ZNF362: variants seen among roughly 807,000 people sequenced by gnomAD.
The protein encoded by ZNF362 is zinc finger protein 362, also known as rotund homolog.
In ZNF362, 11 loss-of-function variants were observed where a neutral mutation model predicts 42.9. The observed-to-expected ratio is 0.26, with a 90% CI of 0.16 to 0.42. The LOEUF (loss-of-function observed/expected upper bound fraction) is 0.42, where lower values mean the gene tolerates loss of function less well. Ranked by LOEUF, ZNF362 falls within the 20% of genes least tolerant of loss-of-function variation. ZNF362 has a pLI of 1.00. For synonymous variants in ZNF362, 255 were observed against 257.3 expected (o/e 0.99, Z 0.09); for missense variants, 362 against 576.2 (o/e 0.63, Z 3.81).
chr1:33,193,726 C>T, the ZNF362 span, among the ~76,000 whole-genome samples: 16 of 152,226 alleles, frequency 1.1e-4, no homozygotes, highest in East Asian at 5.8e-4. Flanking sequence ...GAACAAATAC[C>T]GCCTGTTAGA....
chr1:33,256,334 G>T (rs962160180), upstream of ZNF362, among the ~76,000 whole-genome samples: 2 of 144,056 alleles, frequency 1.4e-5, no homozygotes, highest in African/African-American at 5.0e-5. Flanking sequence ...CCCCGGGGCC[G>T]GACGGGCTGC....
chr1:33,147,444 G>A, the ZNF362 span: 3 of 1,614,044 alleles, frequency 1.9e-6, no homozygotes, highest in Admixed American at 5.0e-5. This position sits in a 1 kb window ranked among gnomAD's most constrained non-coding sequence, Gnocchi z 8.1. Context: ...TCACGATGCA[G>A]TAGAAGCCGC....
the ZNF362 span, among the ~76,000 whole-genome samples, chr1:33,224,883 AAG>A: frequency 6.6e-6 from 1 of 152,230 alleles, no homozygotes; most frequent in African/African-American, 2.4e-5. Flanking sequence ...GCCAAAGACA[AAG>A]AGAAAAATCT....
At chr1:33,288,034 C>T (rs181868037) in intron 6 of ZNF362, among the ~76,000 whole-genome samples, 5 of 152,264 alleles carry the variant, frequency 3.3e-5, no homozygotes, top group African/African-American at 4.8e-5. Flanking sequence ...ACATTGAATA[C>T]GTTTCCTCTG....
the ZNF362 span, among the ~76,000 whole-genome samples, chr1:33,140,236 A>G: frequency 1.3e-5 from 2 of 152,340 alleles, no homozygotes; most frequent in African/African-American, 4.8e-5. This position sits in a 1 kb window ranked among gnomAD's most constrained non-coding sequence, Gnocchi z 4.0. Flanking sequence ...GGAGCTGTCC[A>G]GGGTCATTGG....
the ZNF362 span, among the ~76,000 whole-genome samples, chr1:33,243,244 C>T: frequency 6.6e-6 from 1 of 151,980 alleles, no homozygotes; most frequent in Non-Finnish European, 1.5e-5. Context: ...AAACCCTCCG[C>T]CTCCTGGGTT....
chr1:33,159,610 C>T, the ZNF362 span: 14 of 1,509,322 alleles, frequency 9.3e-6, no homozygotes, highest in Non-Finnish European at 1.2e-5. The surrounding 1 kb of genome is among the most constrained non-coding windows in gnomAD (Gnocchi z 4.2). Flanking sequence ...AGGATCCCAT[C>T]TGCCTCCACT....
At chr1:33,233,555 C>A in the ZNF362 span, among the ~76,000 whole-genome samples, 3 of 152,168 alleles carry the variant, frequency 2.0e-5, no homozygotes, top group African/African-American at 4.8e-5. Flanking sequence ...AGGTCCATGC[C>A]ACCACGCCCA....
the ZNF362 span, among the ~76,000 whole-genome samples, chr1:33,226,252 A>C: frequency 6.6e-4 from 101 of 152,338 alleles, 1 homozygote; most frequent in Admixed American, 6.6e-3. Context: ...CCCATTTTGC[A>C]GATGAGCTCA....
chr1:33,189,720 CAT>C, the ZNF362 span, among the ~76,000 whole-genome samples: 66 of 83,852 alleles, frequency 7.9e-4, 3 homozygotes, highest in Admixed American at 4.5e-3. Flanking sequence ...TATATATATA[CAT>C]ACACACATAC....
At chr1:33,133,581 A>G in the ZNF362 span, among the ~76,000 whole-genome samples, 206 of 152,334 alleles carry the variant, frequency 1.4e-3, no homozygotes, top group African/African-American at 4.7e-3. Context: ...GATGGTGATC[A>G]CTGCAGCTTG....
the ZNF362 span, among the ~76,000 whole-genome samples, chr1:33,171,987 G>A: frequency 3.3e-5 from 5 of 152,052 alleles, no homozygotes; most frequent in African/African-American, 1.2e-4. Flanking sequence ...TCACCATGTT[G>A]GTCAGGCTGG....
At chr1:33,226,715 A>G in the ZNF362 span, among the ~76,000 whole-genome samples, 7 of 152,150 alleles carry the variant, frequency 4.6e-5, no homozygotes, top group Non-Finnish European at 8.8e-5. Context: ...AAATACAAAT[A>G]TTAGCTGGGC....
the ZNF362 span, among the ~76,000 whole-genome samples, chr1:33,227,938 C>T: frequency 3.2e-3 from 480 of 152,164 alleles, 18 homozygotes; most frequent in East Asian, 0.082. Flanking sequence ...GTTCAAATTC[C>T]TGTTAATCCC....
At chr1:33,275,071 A>G in intron 2 of ZNF362, 2 of 985,482 alleles carry the variant, frequency 2.0e-6, no homozygotes, top group South Asian at 9.4e-5. Flanking sequence ...CTGTCAAAAT[A>G]AACAATTTCA....
At chr1:33,171,873 C>T in the ZNF362 span, among the ~76,000 whole-genome samples, 9 of 152,112 alleles carry the variant, frequency 5.9e-5, no homozygotes, top group Non-Finnish European at 1.2e-4. Context: ...CCTCTGCCTC[C>T]CAGGTTCAAG....
At chr1:33,245,780 A>G in the ZNF362 span, among the ~76,000 whole-genome samples, 1 of 152,178 alleles carries the variant, frequency 6.6e-6, no homozygotes, top group Non-Finnish European at 1.5e-5. Flanking sequence ...TCTACAAAAA[A>G]TTTTTAAAAA....
chr1:33,287,980 G>A (rs1378839604), intron 6 of ZNF362, among the ~76,000 whole-genome samples: 2 of 152,184 alleles, frequency 1.3e-5, no homozygotes, highest in African/African-American at 2.4e-5. Flanking sequence ...TCATGGCTGA[G>A]AAATAAAAGT....
At chr1:33,282,087 C>G (rs1034480673) in intron 6 of ZNF362, 8 of 479,712 alleles carry the variant, frequency 1.7e-5, no homozygotes, top group African/African-American at 9.7e-5. Flanking sequence ...CTTGTCCTCT[C>G]TCAGTCTAGC....
Sources: allele counts gnomAD v4.1 joint callset (sites outside exome capture counted in the v4.1 genomes callset), GRCh38; gene constraint gnomAD v4.1.1; non-coding constraint Gnocchi (gnomAD v3.1); transcripts MANE v1.5; gene names NCBI Gene and HGNC (gene_info 2026-07-23, HGNC 2026-07-21).